WBP2NL: variants seen among roughly 807,000 people sequenced by gnomAD.
The protein encoded by WBP2NL is postacrosomal sheath WW domain-binding protein.
In WBP2NL, 27 loss-of-function variants were observed where a neutral mutation model predicts 23.3. The ratio of observed to expected loss-of-function variants is 1.16; its 90% confidence interval spans 0.85 to 1.60. The LOEUF is 1.60. Ranked by LOEUF, WBP2NL falls within the 40% of genes most tolerant of loss-of-function variation. The pLI is 0.00. For missense variants in WBP2NL, 370 were observed against 389.5 expected, an observed-to-expected ratio of 0.95 and a Z score of 0.42; for synonymous variants, 151 against 145.9, an observed-to-expected ratio of 1.03 and a Z score of -0.25.
intron 8 of WBP2NL, among the ~76,000 whole-genome samples, chr22:42,055,500 T>C (rs1925996556): frequency 6.6e-6 from 1 of 152,166 alleles, no homozygotes; most frequent in Non-Finnish European, 1.5e-5. Context: ...AATTTAGTGA[T>C]ACTTATTTTA....
At chr22:42,026,689 T>A (rs1461503566) in intron 5 of WBP2NL, 77 bp from the exon 6 acceptor site, 1 of 1,546,022 alleles carries the variant, frequency 6.5e-7, no homozygotes, top group Non-Finnish European at 8.7e-7. Flanking sequence ...TTCAGCATTA[T>A]TTTTTAAGTT....
chr22:42,039,765 G>A (rs1216025789), intron 8 of WBP2NL, among the ~76,000 whole-genome samples: 1 of 151,742 alleles, frequency 6.6e-6, no homozygotes, highest in Non-Finnish European at 1.5e-5. Context: ...TGATGATTTT[G>A]TTGATCTTTT....
At chr22:42,019,550 G>A (rs2146786891) in intron 2 of WBP2NL, 112 bp from the exon 3 acceptor site, 1 of 1,538,858 alleles carries the variant, frequency 6.5e-7, no homozygotes, top group Admixed American at 1.8e-5. Flanking sequence ...CTGAAGGGTG[G>A]TGGAAGAAAA....
At chr22:42,049,255 T>TA (rs1454055114) in intron 8 of WBP2NL, among the ~76,000 whole-genome samples, 1 of 152,108 alleles carries the variant, frequency 6.6e-6, no homozygotes, top group Non-Finnish European at 1.5e-5. Flanking sequence ...GGAGAAAGGA[T>TA]AGTCTTCCCA....
At position 42,019,713 on chromosome 22, in the gene WBP2NL, A is replaced by T. The variant is rs1309654134; in HGVS notation, c.223A>T (p.Met75Leu). Residue 75 changes from methionine (M) to leucine (L), a missense_variant, in exon 3 of 6, where the codon ATG (methionine) becomes TTG (leucine). Met to Leu is a conservative substitution (Grantham distance 15). Transcript: ENST00000328823. The stretch of plus-strand genomic sequence containing the variant: ...CAGTGATCCCATGTTGTCTTTTATG[A>T]TGCCATTTGATCTGATGACGAACCT... Reference protein sequence around the residue: ...SISDPMLSFMMPFDLMTNLTV... With the variant: ...SISDPMLSFMLPFDLMTNLTV... The T allele has an allele frequency of 2.5e-6, 4 of 1,614,172 alleles. No homozygotes were observed. The highest frequency in any genetic ancestry group is 3.4e-6 in the Non-Finnish European group (4 of 1,180,034).
rs1424195581 is a variant in WBP2NL at position 42,015,305 on chromosome 22, C to T, written c.63-4006C>T. On this transcript the variant is annotated intron_variant, in intron 1 of 5. Transcript: ENST00000328823. ...AACAACAACAACAAAATCTCCCAGCCCTTGCAGATGGGCTTTGTGTGTGTT... is the reference window on the plus strand; with the variant it reads ...AACAACAACAACAAAATCTCCCAGCTCTTGCAGATGGGCTTTGTGTGTGTT... Among the ~76,000 whole-genome samples the T allele has an allele frequency of 3.3e-5, 5 of 152,182 alleles. No homozygotes were observed. The South Asian group carries it at 8.3e-4, about 25-fold the overall frequency.
At chr22:42,048,192 C>T (rs750596436) in intron 8 of WBP2NL, among the ~76,000 whole-genome samples, 7 of 151,162 alleles carry the variant, frequency 4.6e-5, no homozygotes, top group Admixed American at 2.0e-4. Flanking sequence ...GAGGCCAAGG[C>T]GGGCAGATCA....
At chr22:42,004,266 C>T (rs573156179) in intron 1 of WBP2NL, among the ~76,000 whole-genome samples, 1 of 151,348 alleles carries the variant, frequency 6.6e-6, no homozygotes, top group Non-Finnish European at 1.5e-5. Flanking sequence ...AGCAAGACTC[C>T]ATATCAAAAT....
In WBP2NL at chr22:42,026,819, G is replaced by A. The variant is rs755595815; in HGVS notation, c.568G>A (p.Gly190Arg). The change falls in exon 6 of 6, where the codon GGA becomes AGA. Residue 190 changes from glycine to arginine, a missense_variant. Coordinates refer to ENST00000328823, the MANE Select transcript of WBP2NL (RefSeq NM_152613.3). ...AGYGAPPPGY[G>R]APPAGYGAQP... Reference sequence around the variant, plus strand: ...ATATGGAGCCCCACCTCCCGGATACGGAGCCCCACCTGCAGGATATGGAGC... The same window carrying A: ...ATATGGAGCCCCACCTCCCGGATACAGAGCCCCACCTGCAGGATATGGAGC... 1.9e-5 allele frequency: 30 copies of A among 1,613,334 alleles called. 1 individual carries two copies. In the South Asian group the frequency reaches 2.6e-4, roughly 14 times the overall value.
chr22:42,022,335 A>G lies in WBP2NL; in HGVS notation c.493A>G (p.Thr165Ala), dbSNP rs766169785. The stretch of plus-strand genomic sequence containing the variant: ...AATTACTGGGGAAGGGAATATGTGC[A>G]CTCCACAGATGCCTTGTTCAGGTAA... ...YVITGEGNMC[T>A]PQMPCSVIVY... The change falls in exon 5 of 6, where the codon ACT becomes GCT. Residue 165 changes from threonine (T) to alanine (A), a missense_variant. Physicochemically the swap from Thr to Ala is moderately conservative, Grantham distance 58 (BLOSUM62 0). Coordinates refer to ENST00000328823, the MANE Select transcript of WBP2NL (RefSeq NM_152613.3). 4 of 1,613,418 alleles carry G rather than the reference A, an allele frequency of 2.5e-6. No homozygotes were observed. Among genetic ancestry groups the G allele is most frequent in the Admixed American group, 1.7e-5 (1 of 59,906 alleles).
downstream of WBP2NL, among the ~76,000 whole-genome samples, chr22:42,034,998 G>T (rs1397086328): frequency 6.6e-6 from 1 of 152,210 alleles, no homozygotes; most frequent in African/African-American, 2.4e-5. Flanking sequence ...ACAGGGTCCT[G>T]AGACGATACA....
At chr22:42,015,004 T>A (rs970293183) in intron 1 of WBP2NL, among the ~76,000 whole-genome samples, 3 of 152,246 alleles carry the variant, frequency 2.0e-5, no homozygotes, top group Non-Finnish European at 4.4e-5. Flanking sequence ...TTTGTTCCTG[T>A]GTATTCCCAT....
downstream of WBP2NL, chr22:42,031,223 C>G (rs973987543): frequency 2.0e-5 from 3 of 152,188 alleles, no homozygotes. Context: ...AGTTGTTTCC[C>G]CCAAAGGCTC....
chr22:42,035,424 C>T (rs867273955), downstream of WBP2NL, among the ~76,000 whole-genome samples: 5 of 152,222 alleles, frequency 3.3e-5, no homozygotes, highest in African/African-American at 9.6e-5. Context: ...ACGGCTTGGG[C>T]GGCTGCAGCA....
intron 1 of WBP2NL, among the ~76,000 whole-genome samples, chr22:42,012,985 C>G (rs1461914726): frequency 2.0e-5 from 3 of 149,140 alleles, no homozygotes; most frequent in African/African-American, 7.4e-5. Flanking sequence ...GAGCATGACT[C>G]TGTCTCAAAA....
At chr22:42,020,259 C>T (rs989428300) in intron 4 of WBP2NL, among the ~76,000 whole-genome samples, 163 bp downstream of exon 4, 4 of 152,000 alleles carry the variant, frequency 2.6e-5, no homozygotes, top group Non-Finnish European at 5.9e-5. Flanking sequence ...AGGCTGGTCT[C>T]GAACTCCTGA....
rs144510404 is a variant in WBP2NL at position 42,042,732 on chromosome 22, T to C, written c.*273+11909T>C. On this transcript the variant is annotated intron_variant and NMD_transcript_variant, in intron 8 of 8. Transcript: ENST00000436265. ...ATGTTTCCCTGATTCCTTGTGATCC[T>C]TCTAGCCTTGCATAGGTGTTTGCAC... Among the ~76,000 whole-genome samples, 387 of 152,310 alleles carry C rather than the reference T, an allele frequency of 2.5e-3. 2 individuals carry two copies. The highest frequency in any genetic ancestry group is 8.8e-3 in the African/African-American group (364 of 41,566).
At chr22:42,033,287 G>T (rs187085585), downstream of WBP2NL, among the ~76,000 whole-genome samples, 53 of 152,306 alleles carry the variant, frequency 3.5e-4, no homozygotes, top group Non-Finnish European at 7.2e-4. Context: ...AAAAGGTGGT[G>T]CCCAGAAGCT....
intron 3 of WBP2NL, 87 bp from the exon 4 acceptor site, chr22:42,019,917 G>C (rs1802874410): frequency 6.3e-7 from 1 of 1,591,872 alleles, no homozygotes; most frequent in Non-Finnish European, 8.6e-7. Flanking sequence ...TACTTTGTCA[G>C]GTAGTGCTTC....
Sources: allele counts gnomAD v4.1 joint callset (sites outside exome capture counted in the v4.1 genomes callset), GRCh38; gene constraint gnomAD v4.1.1; transcripts MANE v1.5; gene names NCBI Gene and HGNC (gene_info 2026-07-23, HGNC 2026-07-21).